Variants in IMPG2 observed in about 807,000 individuals in gnomAD.
The protein encoded by IMPG2 is interphotoreceptor matrix proteoglycan 2, also known as IPM 200.
A neutral mutation model predicts 129.2 loss-of-function variants in IMPG2; 91 were observed. That is an observed-to-expected ratio of 0.70 (90% CI 0.59 to 0.84). The LOEUF (loss-of-function observed/expected upper bound fraction) is 0.84. IMPG2 is among the 40% of genes least tolerant of loss of function. The pLI is 0.00. For missense variants in IMPG2, 1,430 were observed against 1,461.7 expected, an observed-to-expected ratio of 0.98 and a Z score of 0.35; for synonymous variants, 510 against 517.7, an observed-to-expected ratio of 0.99 and a Z score of 0.20.
At chr3:101,313,030 G>A (rs1284510600) in intron 2 of IMPG2, among the ~76,000 whole-genome samples, 1 of 152,030 alleles carries the variant, frequency 6.6e-6, no homozygotes, top group Non-Finnish European at 1.5e-5. Context: ...TGGTGATTTG[G>A]TATATCTGTG....
At chr3:101,267,023 T>C (rs143214470) in intron 9 of IMPG2, among the ~76,000 whole-genome samples, 63 of 152,280 alleles carry the variant, frequency 4.1e-4, no homozygotes, top group Middle Eastern at 6.8e-3. Context: ...ATCCTGTGAT[T>C]CACAGCAACA....
intron 2 of IMPG2, among the ~76,000 whole-genome samples, chr3:101,314,233 C>G (rs891219115): frequency 6.6e-6 from 1 of 152,064 alleles, no homozygotes; most frequent in African/African-American, 2.4e-5. Context: ...TTCCTAAAAA[C>G]AAACAGCCAA....
rs1246601758 is a variant in IMPG2, at chr3:101,223,033, C to T, written c.*3936G>A. 3.3e-5 allele frequency: 5 copies of T among 152,196 alleles called. No homozygotes were observed. The highest frequency in any genetic ancestry group is 1.2e-4 in the African/African-American group (5 of 41,444). 9.4% of individuals were successfully genotyped at this position (152,196 alleles called of 1,614,324 possible). ...TACTATCCTGAGGGGAGTGGTTTAACCTGTCTCTTATTAACTCATAGCAGT... is the reference window on the plus strand; with the variant it reads ...TACTATCCTGAGGGGAGTGGTTTAATCTGTCTCTTATTAACTCATAGCAGT... On this transcript the variant is annotated 3_prime_UTR_variant, in exon 19 of 19. Coordinates refer to ENST00000193391, the MANE Select transcript of IMPG2 (RefSeq NM_016247.4).
In IMPG2 at chr3:101,230,940, C is replaced by G; in HGVS notation, c.3422+17G>C. The stretch of plus-strand genomic sequence containing the variant: ...TGGAACATTGTATTCCATTAGAGAG[C>G]TCTTTTCCTTATTTACCTGAAGGGA... On this transcript the variant is annotated intron_variant, in intron 16 of 18. Transcript: ENST00000193391. 6.2e-7 allele frequency: 1 copy of G among 1,601,902 alleles called. No homozygotes were observed.
chr3:101,273,451 T>G, intron 7 of IMPG2, 130 bp downstream of exon 7: 1 of 898,604 alleles, frequency 1.1e-6, no homozygotes, highest in East Asian at 2.6e-5. Context: ...AAGAAATGGC[T>G]AAGTAACCAC....
intron 3 of IMPG2, among the ~76,000 whole-genome samples, chr3:101,297,574 G>C (rs2107131798): frequency 6.6e-6 from 1 of 152,208 alleles, no homozygotes; most frequent in Middle Eastern, 3.4e-3. Context: ...CTTTAGCTGT[G>C]TCCCAGAGAT....
chr3:101,264,956 A>G (rs904861651), intron 9 of IMPG2, among the ~76,000 whole-genome samples: 2 of 152,098 alleles, frequency 1.3e-5, no homozygotes, highest in Non-Finnish European at 2.9e-5. Context: ...TAGCTACAAG[A>G]AAAATAAAAT....
chr3:101,297,266 T>G (rs1329458694), intron 3 of IMPG2, among the ~76,000 whole-genome samples: 4 of 152,190 alleles, frequency 2.6e-5, no homozygotes, highest in African/African-American at 9.6e-5. Flanking sequence ...ATTTATTGTG[T>G]CTATTTGAGT....
At chr3:101,270,067 A>C (rs372146748) in intron 7 of IMPG2, among the ~76,000 whole-genome samples, 3 of 151,852 alleles carry the variant, frequency 2.0e-5, no homozygotes, top group East Asian at 3.9e-4. Context: ...AGCAGCTGGA[A>C]TTAGGAATTA....
intron 4 of IMPG2, 91 bp from the exon 5 acceptor site, chr3:101,276,804 A>T: frequency 1.1e-6 from 1 of 927,248 alleles, no homozygotes; most frequent in South Asian, 1.5e-5. Context: ...AAAGGAAAGC[A>T]CTAGATCACC....
chr3:101,266,067 TC>T (rs764765012), intron 9 of IMPG2, among the ~76,000 whole-genome samples: 2 of 152,110 alleles, frequency 1.3e-5, no homozygotes, highest in Non-Finnish European at 1.5e-5. Context: ...CTAGTGAGGA[TC>T]CAGAGAAAAG....
At chr3:101,287,144 T>TC (rs1288095731) in intron 4 of IMPG2, among the ~76,000 whole-genome samples, 1 of 152,162 alleles carries the variant, frequency 6.6e-6, no homozygotes, top group Admixed American at 6.6e-5. Flanking sequence ...TAACACAGAA[T>TC]CTATTGGAAC....
intron 4 of IMPG2, among the ~76,000 whole-genome samples, chr3:101,281,075 T>TA (rs550356209): frequency 1.2e-4 from 18 of 152,304 alleles, no homozygotes; most frequent in Admixed American, 9.2e-4. Flanking sequence ...ATACTGAGAA[T>TA]ATCACCAGAG....
In IMPG2 at chr3:101,275,753, GA is replaced by G. The variant is rs1175326395; in HGVS notation, c.584-9del. ...GAACACTGAGAGTAGTGTCTAAGAA[GA>G]AAAGCAAAAACATATGCATGAATTC... On this transcript the variant is annotated splice_polypyrimidine_tract_variant and intron_variant, in intron 5 of 18. Coordinates refer to ENST00000193391, the MANE Select transcript of IMPG2 (RefSeq NM_016247.4). The G allele has an allele frequency of 6.2e-7, 1 of 1,608,408 alleles. No individual in the cohort carries two copies. The highest frequency in any genetic ancestry group is 8.5e-7 in the Non-Finnish European group (1 of 1,174,950).
chr3:101,275,384 A>G (rs184142627), intron 6 of IMPG2, among the ~76,000 whole-genome samples: 3 of 152,328 alleles, frequency 2.0e-5, no homozygotes, highest in East Asian at 3.9e-4. Flanking sequence ...ATAGAAAATC[A>G]TGTCACAGAG....
chr3:101,258,381 G>A (rs1486622316), intron 9 of IMPG2, among the ~76,000 whole-genome samples: 1 of 151,974 alleles, frequency 6.6e-6, no homozygotes, highest in Non-Finnish European at 1.5e-5. Context: ...GTTCTATAAA[G>A]TTTAAGACTA....
chr3:101,319,150 T>C (rs942084748), intron 2 of IMPG2, among the ~76,000 whole-genome samples: 6 of 152,130 alleles, frequency 3.9e-5, no homozygotes, highest in African/African-American at 1.4e-4. Flanking sequence ...AAAATTAATG[T>C]AGCCCAAAAC....
intron 14 of IMPG2, 83 bp from the exon 15 acceptor site, chr3:101,233,074 C>T (rs1706308109): frequency 3.1e-6 from 4 of 1,271,968 alleles, no homozygotes; most frequent in South Asian, 1.2e-5. Flanking sequence ...AAAGTTCTCC[C>T]CCAAAGTATA....
At chr3:101,314,661 T>C (rs1328175062) in intron 2 of IMPG2, among the ~76,000 whole-genome samples, 1 of 152,148 alleles carries the variant, frequency 6.6e-6, no homozygotes, top group Non-Finnish European at 1.5e-5. Flanking sequence ...TTGCACACTC[T>C]ACAGTGTTTT....
Sources: gnomAD v4.1 joint callset for allele counts (sites outside exome capture counted in the v4.1 genomes callset) on GRCh38, gnomAD v4.1.1 for gene constraint, MANE v1.5 for transcripts, NCBI Gene and HGNC (gene_info 2026-07-23, HGNC 2026-07-21) for gene names.